Variants in NUDT3 observed in about 807,000 individuals in gnomAD.
NUDT3 encodes the protein nudix hydrolase 3, also known as diphosphoinositol polyphosphate phosphohydrolase 1.
A neutral mutation model predicts 23.6 loss-of-function variants in NUDT3; 9 were observed. That is an observed-to-expected ratio of 0.38 (90% CI 0.23 to 0.66). The LOEUF is 0.66. Among genes scored for constraint, NUDT3 ranks in the 30% least tolerant of loss-of-function variants. The probability of loss-of-function intolerance (pLI) is 0.52; values close to 1 mark genes in which losing one functional copy is unlikely to be tolerated. For missense variants in NUDT3, 172 were observed against 218.5 expected (o/e 0.79, Z 1.34); for synonymous variants, 86 against 82.6 (o/e 1.04, Z -0.22).
At chr6:34,366,159 G>T (rs1299168670) in intron 1 of NUDT3, among the ~76,000 whole-genome samples, 2 of 150,712 alleles carry the variant, frequency 1.3e-5, no homozygotes, top group African/African-American at 2.4e-5. Flanking sequence ...TTGAGCCCAG[G>T]AGTTCAAAAC....
chr6:34,306,920 T>C (rs187354237), intron 2 of NUDT3, among the ~76,000 whole-genome samples: 1 of 152,344 alleles, frequency 6.6e-6, no homozygotes, highest in Non-Finnish European at 1.5e-5. Flanking sequence ...GTTCCTCGAC[T>C]AAGGAGCAAT....
chr6:34,365,171 T>C (rs1764707794), intron 1 of NUDT3, among the ~76,000 whole-genome samples: 2 of 152,216 alleles, frequency 1.3e-5, no homozygotes, highest in African/African-American at 4.8e-5. Context: ...GGCTCACACC[T>C]GTAATCCCAG....
chr6:34,372,016 C>CAATATTAGGCAGCTGGCTG (rs1764839637), intron 1 of NUDT3, among the ~76,000 whole-genome samples: 1 of 151,738 alleles, frequency 6.6e-6, no homozygotes, highest in East Asian at 2.0e-4. Flanking sequence ...TCCTTGCGAT[C>CAATATTAGGCAGCTGGCTG]GTTTGCTCAG....
At chr6:34,314,108 A>C (rs1184421316) in intron 2 of NUDT3, among the ~76,000 whole-genome samples, 1 of 151,312 alleles carries the variant, frequency 6.6e-6, no homozygotes, top group East Asian at 2.0e-4. Context: ...AAAAAAAAAA[A>C]AATTCTGAGC....
intron 1 of NUDT3, among the ~76,000 whole-genome samples, chr6:34,387,239 A>C (rs76817446): frequency 2.2e-5 from 2 of 92,078 alleles, no homozygotes; most frequent in Non-Finnish European, 4.6e-5. Context: ...AGTGTATTCT[A>C]TTTTTTTAAA....
chr6:34,351,198 T>TAAAGAAAAAAAA (rs1764462821), intron 1 of NUDT3, among the ~76,000 whole-genome samples: 1 of 17,894 alleles, frequency 5.6e-5, no homozygotes, highest in Non-Finnish European at 1.1e-4. Flanking sequence ...CTCCCCTGCC[T>TAAAGAAAAAAAA]AAAAAAAAAA....
chr6:34,387,280 G>C (rs1331064144), intron 1 of NUDT3, among the ~76,000 whole-genome samples: 1 of 151,912 alleles, frequency 6.6e-6, no homozygotes, highest in Non-Finnish European at 1.5e-5. Context: ...TCAGAAGAAG[G>C]GATTGTTATC....
chr6:34,296,731 T>C (rs1421608989), intron 2 of NUDT3, among the ~76,000 whole-genome samples: 1 of 152,158 alleles, frequency 6.6e-6, no homozygotes, highest in Non-Finnish European at 1.5e-5. Context: ...CAAGATCCCA[T>C]GGGATTAAGA....
At chr6:34,327,375 A>G (rs1057064484) in intron 2 of NUDT3, among the ~76,000 whole-genome samples, 2 of 151,786 alleles carry the variant, frequency 1.3e-5, no homozygotes, top group African/African-American at 4.8e-5. Context: ...CTAAAAATAC[A>G]AAAAATTAGC....
intron 1 of NUDT3, among the ~76,000 whole-genome samples, chr6:34,354,749 A>ATATATATATATATATTTATTTATT (rs570166534): frequency 5.5e-5 from 8 of 144,544 alleles, no homozygotes; most frequent in Non-Finnish European, 9.1e-5. Flanking sequence ...ATATATATAT[A>ATATATATATATATATTTATTTATT]TATTTATTTA....
intron 1 of NUDT3, among the ~76,000 whole-genome samples, chr6:34,376,884 C>G (rs927706294): frequency 2.1e-4 from 32 of 152,140 alleles, no homozygotes; most frequent in African/African-American, 7.2e-4. Context: ...CCTTATCACT[C>G]CCCATCAATA....
At chr6:34,343,521 A>T (rs1019333492) in intron 1 of NUDT3, among the ~76,000 whole-genome samples, 2 of 151,102 alleles carry the variant, frequency 1.3e-5, no homozygotes, top group Admixed American at 1.3e-4. Context: ...AGCCTAGGCC[A>T]CAGAGTGAGA....
chr6:34,308,491 C>CA (rs1371142254), intron 2 of NUDT3, among the ~76,000 whole-genome samples: 2 of 151,104 alleles, frequency 1.3e-5, no homozygotes, highest in Non-Finnish European at 2.9e-5. Flanking sequence ...CTGAGACTGT[C>CA]AGAGTGCATC....
At chr6:34,367,085 T>C (rs1291830081) in intron 1 of NUDT3, among the ~76,000 whole-genome samples, 1 of 152,072 alleles carries the variant, frequency 6.6e-6, no homozygotes, top group Non-Finnish European at 1.5e-5. Flanking sequence ...GCCAGGATTT[T>C]GCTATGTTGG....
intron 1 of NUDT3, among the ~76,000 whole-genome samples, chr6:34,353,118 C>T (rs1764502777): frequency 6.6e-6 from 1 of 152,140 alleles, no homozygotes. Flanking sequence ...GATATTCTAA[C>T]ATATGAGTAT....
intron 1 of NUDT3, among the ~76,000 whole-genome samples, chr6:34,371,140 C>T (rs1764821063): frequency 6.7e-6 from 1 of 150,056 alleles, no homozygotes; most frequent in Non-Finnish European, 1.5e-5. Context: ...TCTAATACCG[C>T]TTTGCTGTGT....
intron 1 of NUDT3, among the ~76,000 whole-genome samples, chr6:34,387,297 G>A (rs1765122178): frequency 6.6e-6 from 1 of 152,098 alleles, no homozygotes; most frequent in African/African-American, 2.4e-5. Context: ...TATCATAGGA[G>A]ATGATAGCTC....
rs1763336440 is a variant in NUDT3 at position 34,286,539 on chromosome 6, C to T, written c.*2214G>A. 1 of 152,084 alleles carries T rather than the reference C, an allele frequency of 6.6e-6. No homozygotes were observed. The highest frequency in any genetic ancestry group is 2.4e-5 in the African/African-American group (1 of 41,392). The allele number at this position is 152,084 out of a possible 1,614,324, so 9.4% of individuals were successfully genotyped here. On this transcript the variant is annotated 3_prime_UTR_variant, in exon 5 of 5. Transcript: ENST00000607016. ...TTGCCCTTTATTTATTTGAACAGAA[C>T]TTTAGAATGCTCTAGGTCAGGAAAA...
intron 2 of NUDT3, among the ~76,000 whole-genome samples, chr6:34,326,251 A>G (rs1011789289): frequency 2.6e-5 from 4 of 152,246 alleles, no homozygotes; most frequent in Non-Finnish European, 5.9e-5. Context: ...AGATAATTTT[A>G]GCAAACTACA....
Sources: gnomAD v4.1 joint callset for allele counts (sites outside exome capture counted in the v4.1 genomes callset) on GRCh38, gnomAD v4.1.1 for gene constraint, MANE v1.5 for transcripts, NCBI Gene and HGNC (gene_info 2026-07-23, HGNC 2026-07-21) for gene names.